TMEM135: variants seen among roughly 807,000 people sequenced by gnomAD.
The protein encoded by TMEM135 is peroxisomal membrane protein 52.
TMEM135 carries 30 observed loss-of-function variants against 60.3 expected under a neutral mutation model. The ratio of observed to expected loss-of-function variants is 0.50; its 90% CI spans 0.37 to 0.68. The LOEUF (loss-of-function observed/expected upper bound fraction) is 0.68, where lower values mean the gene tolerates loss of function less well. Ranked by LOEUF, TMEM135 falls within the 30% of genes least tolerant of loss-of-function variation. The pLI is 0.00. For synonymous variants in TMEM135, 190 were observed against 186.7 expected (o/e 1.02, Z -0.14); for missense variants, 468 against 548.8 (o/e 0.85, Z 1.47).
chr11:87,061,156 T>A (rs567649021), intron 1 of TMEM135, among the ~76,000 whole-genome samples: 22 of 152,324 alleles, frequency 1.4e-4, no homozygotes, highest in South Asian at 2.1e-4. Flanking sequence ...GCATTTTTTT[T>A]AAATAAAATA....
chr11:87,038,040 C>G lies in TMEM135; in HGVS notation c.-6C>G. 3.1e-6 allele frequency: 5 copies of G among 1,614,030 alleles called. No individual in the cohort carries two copies. The highest frequency in any genetic ancestry group is 4.2e-6 in the Non-Finnish European group (5 of 1,180,018). ...CCCTCCTGTCTTCTCCGCGCTGTTC[C>G]TCGTCATGGCGGCCCTCAGCAAGTC... is the stretch of plus-strand genomic sequence containing the variant. On this transcript the variant is annotated 5_prime_UTR_variant, in exon 1 of 15. Coordinates refer to ENST00000305494, the MANE Select transcript of TMEM135 (RefSeq NM_022918.4).
At position 87,309,668 on chromosome 11, in the gene TMEM135, A is replaced by T. The variant is rs776270617; in HGVS notation, c.932A>T (p.Tyr311Phe). The change falls in exon 10 of 15, where the codon TAC becomes TTC. Residue 311 changes from tyrosine to phenylalanine, a missense_variant. Transcript: ENST00000305494. ...TTTCTTGGCTCTTTTGTTAGTATAT[A>T]CAAGGTAAGGCTTTTAGAAGAGGAA... ...GAFLGSFVSI[Y>F]KGTSCFLRWI... is the part of the protein sequence containing the mutation. 5 of 1,613,318 alleles carry T rather than the reference A, an allele frequency of 3.1e-6. No homozygotes were observed. The highest frequency in any genetic ancestry group is 4.2e-6 in the Non-Finnish European group (5 of 1,179,600).
chr11:87,223,460 G>A (rs1008344205), intron 5 of TMEM135, among the ~76,000 whole-genome samples: 4 of 152,028 alleles, frequency 2.6e-5, no homozygotes, highest in East Asian at 1.9e-4. Flanking sequence ...GTGAGCCACC[G>A]TGGCCCGGCC....
At chr11:87,110,376 T>G (rs1857711290) in intron 4 of TMEM135, among the ~76,000 whole-genome samples, 1 of 151,976 alleles carries the variant, frequency 6.6e-6, no homozygotes, top group Non-Finnish European at 1.5e-5. Context: ...AGCAGGACAA[T>G]TGCTTGAGCC....
intron 5 of TMEM135, among the ~76,000 whole-genome samples, chr11:87,196,513 AT>A (rs1939961320): frequency 6.6e-6 from 1 of 152,014 alleles, no homozygotes; most frequent in South Asian, 2.1e-4. Context: ...AATTGTTGTC[AT>A]TTTTCTACAT....
In TMEM135 at chr11:87,047,340, G is replaced by C. The variant is rs560957146; in HGVS notation, c.141+9154G>C. Among the ~76,000 whole-genome samples, 12 of 152,118 alleles carry C rather than the reference G, an allele frequency of 7.9e-5. No homozygotes were observed. The East Asian group carries it at 2.1e-3, about 27-fold the overall frequency. ...AAGATGGCCGAATAGGAACAGCTCC[G>C]GTCTACAGCTCCCAGCGTGAGCGAC... On this transcript the variant is annotated intron_variant, in intron 1 of 14. Coordinates refer to ENST00000305494, the MANE Select transcript of TMEM135 (RefSeq NM_022918.4).
intron 3 of TMEM135, among the ~76,000 whole-genome samples, chr11:87,087,537 A>G (rs1166273096): frequency 6.6e-6 from 1 of 152,190 alleles, no homozygotes; most frequent in Non-Finnish European, 1.5e-5. Context: ...GAAGTGTATG[A>G]TAAGTTTTGA....
At chr11:87,182,220 G>A (rs1241019112) in intron 5 of TMEM135, among the ~76,000 whole-genome samples, 3 of 152,016 alleles carry the variant, frequency 2.0e-5, no homozygotes, top group African/African-American at 7.2e-5. Context: ...TGTGAACAGT[G>A]TATATTGTGT....
chr11:87,170,440 T>A (rs1939202172), intron 5 of TMEM135, among the ~76,000 whole-genome samples: 1 of 152,232 alleles, frequency 6.6e-6, no homozygotes, highest in African/African-American at 2.4e-5. Context: ...CTTTGTTCTT[T>A]GATGTTGGTG....
At chr11:87,150,793 G>A (rs907571509) in intron 4 of TMEM135, among the ~76,000 whole-genome samples, 4 of 151,752 alleles carry the variant, frequency 2.6e-5, no homozygotes, top group Non-Finnish European at 4.4e-5. Context: ...ATCTTGTTCC[G>A]GTCTTGTCTG....
At chr11:87,042,442 T>C (rs916692843) in intron 1 of TMEM135, among the ~76,000 whole-genome samples, 3 of 151,884 alleles carry the variant, frequency 2.0e-5, no homozygotes, top group Admixed American at 6.5e-5. Context: ...TTTTAAGTTT[T>C]ATGGCTGGCT....
chr11:87,239,232 A>T (rs940550677), intron 6 of TMEM135, among the ~76,000 whole-genome samples: 1 of 152,076 alleles, frequency 6.6e-6, no homozygotes, highest in Non-Finnish European at 1.5e-5. Context: ...CAAAATAAAC[A>T]CTTTTAATTT....
chr11:87,232,079 T>C (rs1401566024), intron 5 of TMEM135, among the ~76,000 whole-genome samples: 1 of 151,910 alleles, frequency 6.6e-6, no homozygotes, highest in African/African-American at 2.4e-5. Flanking sequence ...GTCTCCCAAG[T>C]AGCTGGAATT....
intron 4 of TMEM135, among the ~76,000 whole-genome samples, chr11:87,134,366 A>G (rs1463141916): frequency 6.6e-6 from 1 of 152,214 alleles, no homozygotes; most frequent in African/African-American, 2.4e-5. Flanking sequence ...ATACAGTTAC[A>G]TTCTGAGATA....
intron 6 of TMEM135, among the ~76,000 whole-genome samples, chr11:87,285,684 G>C (rs111926152): frequency 6.6e-6 from 1 of 152,176 alleles, no homozygotes; most frequent in African/African-American, 2.4e-5. Context: ...AGCAGCAAGA[G>C]GTATTGCAAA....
intron 4 of TMEM135, among the ~76,000 whole-genome samples, chr11:87,115,760 C>G (rs1014612554): frequency 6.6e-6 from 1 of 151,960 alleles, no homozygotes; most frequent in Admixed American, 6.6e-5. Context: ...GTTTTATACA[C>G]ATAGCATTTT....
chr11:87,177,629 C>T (rs1158791958), intron 5 of TMEM135, among the ~76,000 whole-genome samples: 1 of 152,060 alleles, frequency 6.6e-6, no homozygotes, highest in Non-Finnish European at 1.5e-5. Context: ...GCTATCACTT[C>T]CCATTGCTAC....
In TMEM135 at chr11:87,192,640, A is replaced by G. The variant is rs148468136; in HGVS notation, c.462+35234A>G. Among the ~76,000 whole-genome samples, 29 of 152,230 alleles carry G rather than the reference A, an allele frequency of 1.9e-4. No homozygotes were observed. The East Asian group carries it at 5.6e-3, about 29-fold the overall frequency. On this transcript the variant is annotated intron_variant, in intron 5 of 14. Coordinates refer to ENST00000305494, the MANE Select transcript of TMEM135 (RefSeq NM_022918.4). ...ACTTGAAGATATCAGCTATTATTTTATTTATAAATAAGAGAAATAAGCTTT... is the reference window on the plus strand; with the variant it reads ...ACTTGAAGATATCAGCTATTATTTTGTTTATAAATAAGAGAAATAAGCTTT...
chr11:87,082,337 G>A (rs1857009019), intron 3 of TMEM135, among the ~76,000 whole-genome samples: 2 of 152,090 alleles, frequency 1.3e-5, no homozygotes, highest in African/African-American at 4.8e-5. Flanking sequence ...ATTTATGTAA[G>A]ACTTCATTAA....
Sources: allele counts gnomAD v4.1 joint callset (sites outside exome capture counted in the v4.1 genomes callset), GRCh38; gene constraint gnomAD v4.1.1; transcripts MANE v1.5; gene names NCBI Gene and HGNC (gene_info 2026-07-23, HGNC 2026-07-21).